The following METTL15 variants were observed in gnomAD, a reference collection of about 807,000 sequenced individuals.
METTL15 encodes 12S rRNA N(4)-cytidine methyltransferase METTL15.
A neutral mutation model predicts 38.3 loss-of-function variants in METTL15; 34 were observed. That is an observed-to-expected ratio of 0.89 (90% CI 0.68 to 1.18). The LOEUF is 1.18. Among genes scored for constraint, METTL15 ranks in the 50% most tolerant of loss-of-function variants. The pLI, the probability that METTL15 is intolerant of heterozygous loss-of-function variation, is 0.00. For synonymous variants in METTL15, 162 were observed against 170.9 expected (o/e 0.95, Z 0.41); for missense variants, 438 against 498.4 (o/e 0.88, Z 1.15).
chr11:28,353,856 C>G (rs1271097488), intron 4 of METTL15, among the ~76,000 whole-genome samples: 5 of 143,560 alleles, frequency 3.5e-5, no homozygotes, highest in Non-Finnish European at 7.5e-5. Flanking sequence ...ACCCGGGAAG[C>G]GGAGCTTGCA....
At chr11:28,186,105 C>A (rs1346511761) in intron 3 of METTL15, among the ~76,000 whole-genome samples, 1 of 150,910 alleles carries the variant, frequency 6.6e-6, no homozygotes, top group Non-Finnish European at 1.5e-5. Flanking sequence ...GCCATAGAAA[C>A]TGTTTAAAGC....
chr11:28,326,741 C>T (rs1195811412), intron 6 of METTL15, among the ~76,000 whole-genome samples: 1 of 151,902 alleles, frequency 6.6e-6, no homozygotes, highest in Non-Finnish European at 1.5e-5. Context: ...CCGTGCCTGG[C>T]TAAATTGTAG....
chr11:28,491,087 T>C (rs1328044923), intron 6 of METTL15, among the ~76,000 whole-genome samples: 5 of 152,138 alleles, frequency 3.3e-5, no homozygotes, highest in Non-Finnish European at 7.4e-5. Context: ...GACTTTTTAA[T>C]ATATAGGACT....
intron 4 of METTL15, among the ~76,000 whole-genome samples, chr11:28,216,104 A>G (rs1056680368): frequency 6.6e-6 from 1 of 152,134 alleles, no homozygotes; most frequent in African/African-American, 2.4e-5. Context: ...ATATACATGT[A>G]TTGTACATGT....
At chr11:28,236,478 T>A (rs1387710360) in intron 4 of METTL15, among the ~76,000 whole-genome samples, 1 of 152,240 alleles carries the variant, frequency 6.6e-6, no homozygotes, top group Non-Finnish European at 1.5e-5. Flanking sequence ...ATTGCCACAA[T>A]TTCAGATTCT....
chr11:28,359,385 T>C (rs1431573607), intron 4 of METTL15, among the ~76,000 whole-genome samples: 2 of 152,188 alleles, frequency 1.3e-5, no homozygotes, highest in Non-Finnish European at 2.9e-5. Flanking sequence ...AGTGAACATA[T>C]GAGTGCATGT....
intron 6 of METTL15, among the ~76,000 whole-genome samples, chr11:28,456,936 C>T (rs1851174221): frequency 6.6e-6 from 1 of 152,152 alleles, no homozygotes; most frequent in South Asian, 2.1e-4. Context: ...CATGTGAAGC[C>T]TCAGACACTC....
intron 3 of METTL15, among the ~76,000 whole-genome samples, chr11:28,172,635 T>A (rs1364734858): frequency 1.3e-5 from 2 of 152,184 alleles, no homozygotes; most frequent in Non-Finnish European, 2.9e-5. Context: ...ACATATTAAA[T>A]CCTCATTTTT....
chr11:28,178,399 A>G (rs941490377), intron 3 of METTL15, among the ~76,000 whole-genome samples: 1 of 151,920 alleles, frequency 6.6e-6, no homozygotes, highest in Non-Finnish European at 1.5e-5. Flanking sequence ...TAGTGTTGCA[A>G]TCAAAATTAT....
At chr11:28,446,448 G>A (rs907644172) in intron 6 of METTL15, among the ~76,000 whole-genome samples, 24 of 152,046 alleles carry the variant, frequency 1.6e-4, no homozygotes, top group African/African-American at 4.6e-4. Flanking sequence ...CCTGGTTTCC[G>A]GAAGGGCTGT....
intron 3 of METTL15, among the ~76,000 whole-genome samples, chr11:28,129,933 A>G (rs929868799): frequency 2.0e-5 from 3 of 152,134 alleles, no homozygotes; most frequent in Non-Finnish European, 4.4e-5. Context: ...ACTGAATACA[A>G]TTTGATCACC....
chr11:28,237,932 G>A (rs1158355815), intron 4 of METTL15, among the ~76,000 whole-genome samples: 4 of 152,124 alleles, frequency 2.6e-5, no homozygotes, highest in Admixed American at 6.5e-5. Flanking sequence ...TTCGTGATCC[G>A]CAAATGCTGC....
intron 5 of METTL15, among the ~76,000 whole-genome samples, chr11:28,377,970 G>T (rs1303453148): frequency 6.6e-6 from 1 of 152,116 alleles, no homozygotes; most frequent in Non-Finnish European, 1.5e-5. Context: ...GGCTGCTCGG[G>T]GGTCAGGGGT....
chr11:28,272,080 G>T (rs573812235), intron 4 of METTL15, among the ~76,000 whole-genome samples: 1 of 152,288 alleles, frequency 6.6e-6, no homozygotes, highest in Admixed American at 6.5e-5. Flanking sequence ...ATATGCTGGA[G>T]AGGATGTGGA....
intron 5 of METTL15, among the ~76,000 whole-genome samples, chr11:28,394,786 T>G (rs933051680): frequency 6.6e-6 from 1 of 152,098 alleles, no homozygotes; most frequent in Non-Finnish European, 1.5e-5. Context: ...ATAATTCCTT[T>G]TCTGTAATTG....
intron 5 of METTL15, among the ~76,000 whole-genome samples, chr11:28,423,173 T>G (rs1250247222): frequency 6.6e-6 from 1 of 151,832 alleles, no homozygotes; most frequent in Non-Finnish European, 1.5e-5. Flanking sequence ...TAAAATAACT[T>G]TTATCCAAAA....
intron 5 of METTL15, among the ~76,000 whole-genome samples, chr11:28,371,791 A>T (rs1590348698): frequency 6.6e-6 from 1 of 152,000 alleles, no homozygotes; most frequent in South Asian, 2.1e-4. Context: ...TATTTTTCAG[A>T]TTGTTCACTG....
chr11:28,491,696 C>T (rs1851496247), intron 6 of METTL15, among the ~76,000 whole-genome samples: 1 of 152,082 alleles, frequency 6.6e-6, no homozygotes, highest in African/African-American at 2.4e-5. Flanking sequence ...GCCAGAAAAC[C>T]TCCTCTGGAA....
chr11:28,300,654 A>G (rs1004124469), intron 6 of METTL15, among the ~76,000 whole-genome samples: 1 of 152,186 alleles, frequency 6.6e-6, no homozygotes, highest in African/African-American at 2.4e-5. Flanking sequence ...AACAACCTGT[A>G]GGATTTCACT....
Sources: allele counts gnomAD v4.1 joint callset (sites outside exome capture counted in the v4.1 genomes callset), GRCh38; gene constraint gnomAD v4.1.1; transcripts MANE v1.5; gene names NCBI Gene and HGNC (gene_info 2026-07-23, HGNC 2026-07-21).